OSBPL10: variants seen among roughly 807,000 people sequenced by gnomAD.
OSBPL10 encodes the protein oxysterol binding protein like 10.
In OSBPL10, 49 loss-of-function variants were observed where a neutral mutation model predicts 81.7. The ratio of observed to expected loss-of-function variants is 0.60; its 90% CI spans 0.48 to 0.76. OSBPL10 has a LOEUF of 0.76. Among genes scored for constraint, OSBPL10 ranks in the 30% least tolerant of loss-of-function variants. The pLI is 0.00. For missense variants in OSBPL10, 923 were observed against 987.8 expected (o/e 0.93, Z 0.88); for synonymous variants, 419 against 383.6 (o/e 1.09, Z -1.08).
intron 4 of OSBPL10, among the ~76,000 whole-genome samples, chr3:31,779,606 G>A (rs1016505232): frequency 1.4e-5 from 2 of 139,986 alleles, no homozygotes; most frequent in African/African-American, 6.7e-5. Flanking sequence ...AATCATAGTG[G>A]GGGACTTCAT....
chr3:31,706,194 C>T (rs1286491483), intron 6 of OSBPL10, among the ~76,000 whole-genome samples: 3 of 152,200 alleles, frequency 2.0e-5, no homozygotes, highest in Non-Finnish European at 4.4e-5. Context: ...GAAAAAGCTT[C>T]ACGGGCAGGC....
intron 1 of OSBPL10, among the ~76,000 whole-genome samples, chr3:31,886,573 A>C (rs1188577138): frequency 3.3e-5 from 5 of 152,198 alleles, no homozygotes; most frequent in Non-Finnish European, 5.9e-5. Context: ...GACTGCATGA[A>C]CGGGGCCTGT....
intron 3 of OSBPL10, among the ~76,000 whole-genome samples, chr3:31,852,117 C>T (rs1356295372): frequency 1.3e-5 from 2 of 152,182 alleles, no homozygotes; most frequent in African/African-American, 4.8e-5. Context: ...TCTGCCATGC[C>T]CTAGCCATGT....
At chr3:32,021,012 C>T (rs1296248481) in intron 2 of OSBPL10, among the ~76,000 whole-genome samples, 1 of 152,208 alleles carries the variant, frequency 6.6e-6, no homozygotes, top group Non-Finnish European at 1.5e-5. Flanking sequence ...TGTGTCCTCA[C>T]TTGGACTTTC....
At chr3:31,787,854 G>A (rs996849762) in intron 4 of OSBPL10, among the ~76,000 whole-genome samples, 16 of 152,084 alleles carry the variant, frequency 1.1e-4, no homozygotes, top group Admixed American at 5.2e-4. Flanking sequence ...ATAAATACCC[G>A]ACAACAGAAT....
intron 2 of OSBPL10, among the ~76,000 whole-genome samples, chr3:32,017,231 A>C (rs752557820): frequency 6.6e-5 from 10 of 152,190 alleles, no homozygotes; most frequent in Non-Finnish European, 1.5e-4. Flanking sequence ...TTCCCATTTT[A>C]AAGATGAGGA....
rs1002281797 is a variant in OSBPL10, at chr3:31,732,365, A to C, written c.1095+892T>G. Among the ~76,000 whole-genome samples, 9 of 152,324 alleles carry C rather than the reference A, an allele frequency of 5.9e-5. No individual in the cohort carries two copies. The East Asian group carries it at 1.7e-3, about 29-fold the overall frequency. Reference sequence around the variant, plus strand: ...TGGAGAAAAATTTCCATTGATAACCAAAACCATTTGATCAAAGACACTGCC... The same window carrying C: ...TGGAGAAAAATTTCCATTGATAACCCAAACCATTTGATCAAAGACACTGCC... On this transcript the variant is annotated intron_variant, in intron 6 of 11. Transcript: ENST00000396556.
chr3:31,977,433 T>G (rs1196228341), intron 1 of OSBPL10, among the ~76,000 whole-genome samples: 1 of 152,122 alleles, frequency 6.6e-6, no homozygotes, highest in Non-Finnish European at 1.5e-5. Context: ...ACCTAATAAG[T>G]GTCACTTCCC....
In OSBPL10 at chr3:31,883,106, G is replaced by C. The variant is rs542114268; in HGVS notation, c.282-3276C>G. 3.9e-5 allele frequency among the ~76,000 whole-genome samples: 6 copies of C among 152,258 alleles called. No homozygotes were observed. In the East Asian group the frequency reaches 5.8e-4, roughly 15 times the overall value. On this transcript the variant is annotated intron_variant, in intron 1 of 11. Transcript: ENST00000396556. ...TGCAGACAATGCTCATGGCAAGTTA[G>C]AACATGAACAATCATCCTTTCAAGC...
chr3:32,018,122 T>C (rs1391171137), intron 2 of OSBPL10, among the ~76,000 whole-genome samples: 1 of 150,536 alleles, frequency 6.6e-6, no homozygotes, highest in South Asian at 2.1e-4. Context: ...CACTCCAACC[T>C]GGGCAACAAG....
intron 4 of OSBPL10, among the ~76,000 whole-genome samples, chr3:31,793,315 T>C (rs1465655676): frequency 6.6e-6 from 1 of 152,148 alleles, no homozygotes; most frequent in Admixed American, 6.5e-5. Flanking sequence ...TTCCCTCAAC[T>C]CTGTTGAAGT....
At chr3:31,804,865 T>C (rs1559472534) in intron 4 of OSBPL10, among the ~76,000 whole-genome samples, 1 of 152,242 alleles carries the variant, frequency 6.6e-6, no homozygotes, top group Admixed American at 6.5e-5. Flanking sequence ...TTTGCAATTT[T>C]TTTTTAGCTG....
chr3:31,726,561 G>T (rs1265230878), intron 6 of OSBPL10, among the ~76,000 whole-genome samples: 1 of 152,054 alleles, frequency 6.6e-6, no homozygotes, highest in African/African-American at 2.4e-5. Flanking sequence ...TGATCCGCCT[G>T]CCTCGGCCAC....
intron 1 of OSBPL10, among the ~76,000 whole-genome samples, chr3:31,924,059 A>C (rs1428168322): frequency 6.6e-6 from 1 of 151,902 alleles, no homozygotes; most frequent in South Asian, 2.1e-4. Context: ...TTTACTAAAA[A>C]TACAAGAAAA....
chr3:32,040,362 G>T (rs1038317373), intron 2 of OSBPL10, among the ~76,000 whole-genome samples: 13 of 152,030 alleles, frequency 8.6e-5, no homozygotes, highest in African/African-American at 3.1e-4. Flanking sequence ...AGCTAACATT[G>T]CACCACTGCA....
intron 1 of OSBPL10, among the ~76,000 whole-genome samples, chr3:31,893,613 G>A (rs559062159): frequency 7.2e-5 from 11 of 152,326 alleles, no homozygotes; most frequent in Non-Finnish European, 1.6e-4. Context: ...ATAGTAGCCA[G>A]AAACTGGAAA....
intron 1 of OSBPL10, among the ~76,000 whole-genome samples, chr3:31,969,053 T>C (rs1324350776): frequency 6.6e-6 from 1 of 152,164 alleles, no homozygotes; most frequent in African/African-American, 2.4e-5. Context: ...CACAAAAAAG[T>C]TCTGTGCTGT....
intron 1 of OSBPL10, among the ~76,000 whole-genome samples, chr3:31,931,812 C>T (rs1697256101): frequency 6.6e-6 from 1 of 152,192 alleles, no homozygotes; most frequent in African/African-American, 2.4e-5. Context: ...CATGGTGGCT[C>T]ATGCCCATAA....
At chr3:31,799,434 G>C (rs1699322875) in intron 4 of OSBPL10, among the ~76,000 whole-genome samples, 1 of 142,322 alleles carries the variant, frequency 7.0e-6, no homozygotes, top group Non-Finnish European at 1.5e-5. Context: ...AAGAATATCA[G>C]CTTAGAAGTC....
Sources: allele counts gnomAD v4.1 joint callset (sites outside exome capture counted in the v4.1 genomes callset), GRCh38; gene constraint gnomAD v4.1.1; transcripts MANE v1.5; gene names NCBI Gene and HGNC (gene_info 2026-07-23, HGNC 2026-07-21).